The following PDE4B variants were observed in gnomAD, a reference collection of about 807,000 sequenced individuals.
PDE4B encodes 3',5'-cyclic-AMP phosphodiesterase 4B.
In PDE4B, 20 loss-of-function variants were observed where a neutral mutation model predicts 82.2. That is an observed-to-expected ratio of 0.24 (90% CI 0.17 to 0.35). The LOEUF is 0.35. PDE4B is among the 10% of genes least tolerant of loss of function. The pLI, the probability that PDE4B is intolerant of heterozygous loss-of-function variation, is 1.00. For missense variants in PDE4B, 655 were observed against 907.2 expected (o/e 0.72, Z 3.57); for synonymous variants, 320 against 318.9 (o/e 1.00, Z -0.04).
intron 1 of PDE4B, among the ~76,000 whole-genome samples, chr1:65,871,938 A>G (rs1646577884): frequency 1.3e-5 from 2 of 152,252 alleles, no homozygotes; most frequent in African/African-American, 4.8e-5. Flanking sequence ...TTTTTGATGG[A>G]TGTGATTCTT....
chr1:66,322,605 A>G (rs1030485134), intron 7 of PDE4B, among the ~76,000 whole-genome samples: 1 of 152,148 alleles, frequency 6.6e-6, no homozygotes, highest in Non-Finnish European at 1.5e-5. Context: ...CAAAACCACA[A>G]TGAGATACCA....
rs116496102 is a variant in PDE4B, at chr1:65,857,846, T to C, written c.-70-55399T>C. Reference sequence around the variant, plus strand: ...CTTCTAGACTCAGTATTTCTTTGCCTTTGGCAATGTTGTACAAGATTCCAG... The same window carrying C: ...CTTCTAGACTCAGTATTTCTTTGCCCTTGGCAATGTTGTACAAGATTCCAG... On this transcript the variant is annotated intron_variant, in intron 1 of 16. Transcript: ENST00000341517. Among the ~76,000 whole-genome samples the C allele has an allele frequency of 3.6e-3, 548 of 152,326 alleles. 3 individuals are homozygous for C. The highest frequency in any genetic ancestry group is 0.013 in the African/African-American group (524 of 41,582).
chr1:65,965,989 A>G (rs942421640), intron 3 of PDE4B, among the ~76,000 whole-genome samples: 2 of 152,192 alleles, frequency 1.3e-5, no homozygotes, highest in South Asian at 2.1e-4. Context: ...AACTAGCACA[A>G]GGAAAGGATG....
chr1:65,899,170 A>C (rs1242595137), intron 1 of PDE4B, among the ~76,000 whole-genome samples: 1 of 152,138 alleles, frequency 6.6e-6, no homozygotes, highest in Non-Finnish European at 1.5e-5. Flanking sequence ...ATGAAGAGAC[A>C]GTTCTCAAAA....
intron 3 of PDE4B, among the ~76,000 whole-genome samples, chr1:66,100,062 A>G (rs1645191638): frequency 6.6e-6 from 1 of 152,008 alleles, no homozygotes; most frequent in African/African-American, 2.4e-5. Flanking sequence ...ACACATATAT[A>G]TGTACATTTG....
At chr1:66,223,814 C>A (rs984768269) in intron 3 of PDE4B, among the ~76,000 whole-genome samples, 2 of 152,168 alleles carry the variant, frequency 1.3e-5, no homozygotes, top group Admixed American at 6.5e-5. Context: ...AGACTATACA[C>A]CTGCTACCCT....
chr1:66,336,315 G>GT (rs1394359022), intron 8 of PDE4B, among the ~76,000 whole-genome samples: 1 of 152,188 alleles, frequency 6.6e-6, no homozygotes, highest in African/African-American at 2.4e-5. Context: ...CCAGGGAGGC[G>GT]TAATTGTGAC....
intron 15 of PDE4B, 184 bp downstream of exon 15, chr1:66,368,249 G>A (rs1335915662): frequency 7.1e-6 from 4 of 563,744 alleles, no homozygotes; most frequent in Admixed American, 3.4e-5. Flanking sequence ...TAATTTATGA[G>A]GAAAAATAAT....
At chr1:66,289,387 G>A (rs753616914) in intron 7 of PDE4B, among the ~76,000 whole-genome samples, 15 of 152,080 alleles carry the variant, frequency 9.9e-5, no homozygotes, top group Admixed American at 7.9e-4. Context: ...AAAAGGGCAC[G>A]GTATTGCTCA....
chr1:66,148,072 C>A (rs1484657661), intron 3 of PDE4B, among the ~76,000 whole-genome samples: 2 of 152,074 alleles, frequency 1.3e-5, no homozygotes, highest in African/African-American at 2.4e-5. Context: ...GAGTTTGAGA[C>A]CAGCCTGGCC....
At chr1:65,913,423 C>A in intron 2 of PDE4B, 67 bp downstream of exon 2, 1 of 1,486,096 alleles carries the variant, frequency 6.7e-7, no homozygotes, top group South Asian at 1.1e-5. Flanking sequence ...TAATTCTATT[C>A]AAAGGGCAGC....
At chr1:66,159,211 C>CAGTT (rs1156328413) in intron 3 of PDE4B, among the ~76,000 whole-genome samples, 1 of 151,732 alleles carries the variant, frequency 6.6e-6, no homozygotes, top group African/African-American at 2.4e-5. Context: ...TAAATATGCA[C>CAGTT]AGTTATTAGA....
At chr1:66,170,457 G>A (rs996423500) in intron 3 of PDE4B, among the ~76,000 whole-genome samples, 1 of 152,074 alleles carries the variant, frequency 6.6e-6, no homozygotes, top group Non-Finnish European at 1.5e-5. Context: ...GTTTCCTCAG[G>A]TCAGGCTACC....
intron 3 of PDE4B, among the ~76,000 whole-genome samples, chr1:66,109,105 A>G (rs544148824): frequency 3.2e-4 from 48 of 152,114 alleles, no homozygotes; most frequent in African/African-American, 1.1e-3. Flanking sequence ...AATGCATTGT[A>G]ACTAGGATGT....
At chr1:66,002,556 T>A (rs1196702495) in intron 3 of PDE4B, among the ~76,000 whole-genome samples, 8 of 151,774 alleles carry the variant, frequency 5.3e-5, no homozygotes, top group Non-Finnish European at 7.4e-5. Flanking sequence ...GAAGTTTTTT[T>A]AAAAAAATAA....
intron 1 of PDE4B, among the ~76,000 whole-genome samples, chr1:65,839,259 T>A (rs1646179652): frequency 6.6e-6 from 1 of 152,170 alleles, no homozygotes; most frequent in Admixed American, 6.6e-5. Context: ...CAATGATTTT[T>A]TTTTTTTAGT....
chr1:66,257,725 G>C lies in PDE4B; in HGVS notation c.513+42G>C, dbSNP rs756223294. 4 of 1,610,302 alleles carry C rather than the reference G, an allele frequency of 2.5e-6. No individual in the cohort carries two copies. The Admixed American group carries it at 5.0e-5, about 20-fold the overall frequency. On this transcript the variant is annotated intron_variant, in intron 5 of 16. Transcript: ENST00000341517. Reference sequence around the variant, plus strand: ...CCCTGGCTTGCTTTCACTGTCGCTGGTTTCTAAGTCTGAACCTGGCCATTT... The same window carrying C: ...CCCTGGCTTGCTTTCACTGTCGCTGCTTTCTAAGTCTGAACCTGGCCATTT...
intron 3 of PDE4B, among the ~76,000 whole-genome samples, chr1:66,054,425 C>A (rs1655197594): frequency 6.6e-6 from 1 of 152,256 alleles, no homozygotes; most frequent in Admixed American, 6.5e-5. Context: ...ACATATTTAT[C>A]AGCTCCAAAA....
chr1:66,347,060 T>C (rs1661445637), intron 8 of PDE4B, among the ~76,000 whole-genome samples: 1 of 152,200 alleles, frequency 6.6e-6, no homozygotes, highest in African/African-American at 2.4e-5. Flanking sequence ...AATCCTCAGA[T>C]GCTCCTATAT....
Sources: allele counts gnomAD v4.1 joint callset (sites outside exome capture counted in the v4.1 genomes callset), GRCh38; gene constraint gnomAD v4.1.1; transcripts MANE v1.5; gene names NCBI Gene and HGNC (gene_info 2026-07-23, HGNC 2026-07-21).